Variants in PGC observed in about 807,000 individuals in gnomAD.
The protein encoded by PGC is gastricsin.
A neutral mutation model predicts 45.9 loss-of-function variants in PGC; 31 were observed. The ratio of observed to expected loss-of-function variants is 0.67; its 90% CI spans 0.51 to 0.91. The LOEUF (loss-of-function observed/expected upper bound fraction) is 0.91, where lower values mean the gene tolerates loss of function less well. Among genes scored for constraint, PGC ranks in the 40% least tolerant of loss-of-function variants. The pLI is 0.00. For synonymous variants in PGC, 192 were observed against 201.8 expected (o/e 0.95, Z 0.41); for missense variants, 477 against 493.2 (o/e 0.97, Z 0.31).
chr6:41,744,806 A>G lies in PGC; in HGVS notation c.62T>C (p.Val21Ala). The G allele has an allele frequency of 1.2e-6, 2 of 1,613,300 alleles. No individual in the cohort carries two copies. Among genetic ancestry groups the G allele is most frequent in the Non-Finnish European group, 1.7e-6 (2 of 1,179,692 alleles). ...LQLLEAAVVK[V>A]PLKKFKSIRE... Reference sequence around the variant, plus strand: ...GATAGACTTAAATTTCTTCAGGGGCACTCTACAGAAAGGTTGCATATGAGG... The same window carrying G: ...GATAGACTTAAATTTCTTCAGGGGCGCTCTACAGAAAGGTTGCATATGAGG... The change falls in exon 2 of 9, where the codon GTG becomes GCG. Residue 21 changes from valine (V) to alanine (A), a missense_variant and splice_region_variant. Val to Ala is a moderately conservative substitution (Grantham distance 64). Coordinates refer to ENST00000373025, the MANE Select transcript of PGC (RefSeq NM_002630.4). The surrounding 1 kb of genome is among the most constrained non-coding windows in gnomAD (Gnocchi z 4.4).
intron 1 of PGC, among the ~76,000 whole-genome samples, chr6:41,745,807 C>A: frequency 6.6e-6 from 1 of 151,772 alleles, no homozygotes. Flanking sequence ...CCTTGGCCTC[C>A]TAAAGTGCTA....
chr6:41,743,341 T>C lies in PGC; in HGVS notation c.377A>G (p.Asn126Ser). The C allele has an allele frequency of 6.2e-7, 1 of 1,613,782 alleles. No homozygotes were observed. The highest frequency in any genetic ancestry group is 1.1e-5 in the South Asian group (1 of 91,078). ...NPSESSTYST[N>S]GQTFSLQYGS... is the part of the protein sequence containing the mutation. ...ATACTGCAGGGAGAAGGTCTGCCCATTGGTGGAGTAGGTGGACGACTCGCT... is the reference window on the plus strand; with the variant it reads ...ATACTGCAGGGAGAAGGTCTGCCCACTGGTGGAGTAGGTGGACGACTCGCT... The change falls in exon 4 of 9, where the codon AAT (asparagine) becomes AGT (serine). Residue 126 changes from asparagine to serine, a missense_variant. Asn to Ser is a conservative substitution (Grantham distance 46, BLOSUM62 1). Coordinates refer to ENST00000373025, the MANE Select transcript of PGC (RefSeq NM_002630.4).
chr6:41,746,998 A>G (rs1771939785), intron 1 of PGC, among the ~76,000 whole-genome samples: 1 of 152,240 alleles, frequency 6.6e-6, no homozygotes, highest in Non-Finnish European at 1.5e-5. Context: ...CTGCTTGGGC[A>G]GTAGTCACCC....
At position 41,743,380 on chromosome 6, in the gene PGC, G is replaced by T; in HGVS notation, c.338C>A (p.Ser113Tyr). 3 of 1,611,356 alleles carry T rather than the reference G, an allele frequency of 1.9e-6. No homozygotes were observed. The highest frequency in any genetic ancestry group is 2.5e-6 in the Non-Finnish European group (3 of 1,177,462). ...YCQSQACTSHSRFNPSESSTY... is the reference protein window; with the variant it reads ...YCQSQACTSHYRFNPSESSTY... ...GGACGACTCGCTGGGGTTGAAGCGG[G>T]AGTGACTGGCTGCAGGGGAGTCAGG... is the stretch of plus-strand genomic sequence containing the variant. The change falls in exon 4 of 9, where the codon TCC becomes TAC. Residue 113 changes from serine (S) to tyrosine (Y), a missense_variant. Ser to Tyr is a moderately radical substitution (Grantham distance 144). Transcript: ENST00000373025.
At chr6:41,741,037 ACT>A in intron 5 of PGC, 1 of 1,535,776 alleles carries the variant, frequency 6.5e-7, no homozygotes, top group Non-Finnish European at 8.7e-7. Flanking sequence ...CCCAGCCCAC[ACT>A]CTGCTCTCCT....
Position 41,744,620 on chromosome 6 carries a change from C to T in PGC, c.210+38G>A. On this transcript the variant is annotated intron_variant, in intron 2 of 8. Coordinates refer to ENST00000373025, the MANE Select transcript of PGC (RefSeq NM_002630.4). The surrounding 1 kb of genome is among the most constrained non-coding windows in gnomAD (Gnocchi z 4.4). ...CCTGCCCCTTCCCTCCAGCCCACACCAGAGAGAAGGCTACCGCCAGAAAGG... is the reference window on the plus strand; with the variant it reads ...CCTGCCCCTTCCCTCCAGCCCACACTAGAGAGAAGGCTACCGCCAGAAAGG... 1 of 1,610,628 alleles carries T rather than the reference C, an allele frequency of 6.2e-7. No individual in the cohort carries two copies.
chr6:41,743,471 A>G, intron 3 of PGC, 82 bp from the exon 4 acceptor site: 2 of 859,418 alleles, frequency 2.3e-6, no homozygotes, highest in South Asian at 2.7e-5. Context: ...TTCCCACCTC[A>G]GCCTCTCGCT....
At position 41,747,350 on chromosome 6, in the gene PGC, C is replaced by T. The variant is rs186117095; in HGVS notation, c.-16G>A. On this transcript the variant is annotated 5_prime_UTR_variant, in exon 1 of 9. Coordinates refer to ENST00000373025, the MANE Select transcript of PGC (RefSeq NM_002630.4). ...TCCACTTCATGATGCTGGTCCCCAA[C>T]TGGCCACAGAGGAAGAGCAGCTCTG... 20 of 1,612,590 alleles carry T rather than the reference C, an allele frequency of 1.2e-5. No individual in the cohort carries two copies. Among genetic ancestry groups the T allele is most frequent in the Non-Finnish European group, 1.7e-5 (20 of 1,178,706 alleles).
rs1405076954 is a variant in PGC, at chr6:41,747,313, A to G, written c.22T>C (p.Leu8=). 2 of 1,614,048 alleles carry G rather than the reference A, an allele frequency of 1.2e-6. No homozygotes were observed. The highest frequency in any genetic ancestry group is 1.7e-6 in the Non-Finnish European group (2 of 1,179,938). ...GCCTCCAAGAGCTGGAGGCAGACCA[A>G]GACCACCACCATCCACTTCATGATG... The part of the protein sequence containing the change: MKWMVVV[L]VCLQLLEAAV... The change falls in exon 1 of 9, where the codon TTG becomes CTG. Residue 8 remains leucine (L), a synonymous_variant. Transcript: ENST00000373025.
At chr6:41,741,408 G>T (rs1771821439) in intron 5 of PGC, among the ~76,000 whole-genome samples, 1 of 152,220 alleles carries the variant, frequency 6.6e-6, no homozygotes, top group Non-Finnish European at 1.5e-5. Flanking sequence ...CACTTTGGAA[G>T]GCCGAGGCGG....
chr6:41,738,887 A>C (rs1217258058), intron 7 of PGC, among the ~76,000 whole-genome samples: 1 of 151,672 alleles, frequency 6.6e-6, no homozygotes, highest in African/African-American at 2.4e-5. Context: ...TGAACCCAGG[A>C]AAGTGGAGGT....
rs1188292683 is a variant in PGC, at chr6:41,743,253, C to T, written c.447+18G>A. 6 of 1,465,224 alleles carry T rather than the reference C, an allele frequency of 4.1e-6. No individual in the cohort carries two copies. In the Admixed American group the frequency reaches 6.7e-5, roughly 16 times the overall value. The allele number at this position is 1,465,224 out of a possible 1,614,324, so 90.8% of individuals were successfully genotyped here. A position where few individuals can be genotyped will look rare whatever the true frequency, so the allele number is the denominator to read the frequency against. ...TTATAGCTCACAGCCCCAGCCTCCACTCCCCATGCCCACTCACAGTCAGGG... is the reference window on the plus strand; with the variant it reads ...TTATAGCTCACAGCCCCAGCCTCCATTCCCCATGCCCACTCACAGTCAGGG... On this transcript the variant is annotated intron_variant, in intron 4 of 8. Coordinates refer to ENST00000373025, the MANE Select transcript of PGC (RefSeq NM_002630.4).
chr6:41,744,660 C>T lies in PGC; in HGVS notation c.208G>A (p.Asp70Asn). The part of the protein sequence containing the change: ...SVTYEPMAYM[D>N]AAYFGEISIG... ...CGCCAGAAAGGGTCAGGACTCACAT[C>T]CATGTAGGCCATGGGCTCGTAGGTC... Residue 70 changes from aspartate to asparagine, a missense_variant and splice_region_variant, in exon 2 of 9, where the codon GAT becomes AAT. Physicochemically the swap from Asp to Asn is conservative, Grantham distance 23. Transcript: ENST00000373025. The surrounding 1 kb of genome is among the most constrained non-coding windows in gnomAD (Gnocchi z 4.4). 1 of 1,614,076 alleles carries T rather than the reference C, an allele frequency of 6.2e-7. No homozygotes were observed. The highest frequency in any genetic ancestry group is 8.5e-7 in the Non-Finnish European group (1 of 1,179,956).
rs1351921456 is a variant in PGC, at chr6:41,740,599, G to A, written c.659C>T (p.Ser220Phe). ...CCCAAAGACAACCGCTCCCCCGCTGGAGCCCTGCTGGCTGCAGGAGAGAAA... is the reference window on the plus strand; with the variant it reads ...CCCAAAGACAACCGCTCCCCCGCTGAAGCCCTGCTGGCTGCAGGAGAGAAA... ...FSVYLSNQQG[S>F]SGGAVVFGGV... The change falls in exon 6 of 9, where the codon TCC (serine) becomes TTC (phenylalanine). Residue 220 changes from serine (S) to phenylalanine (F), a missense_variant. Transcript: ENST00000373025. 3 of 1,599,716 alleles carry A rather than the reference G, an allele frequency of 1.9e-6. No homozygotes were observed. The highest frequency in any genetic ancestry group is 2.6e-6 in the Non-Finnish European group (3 of 1,173,514).
At chr6:41,746,672 A>G (rs1476139062) in intron 1 of PGC, among the ~76,000 whole-genome samples, 1 of 152,152 alleles carries the variant, frequency 6.6e-6, no homozygotes, top group Non-Finnish European at 1.5e-5. Context: ...CCAAATATGC[A>G]TATTGATAGG....
chr6:41,740,013 C>A, intron 6 of PGC, 67 bp from the exon 7 acceptor site: 1 of 1,450,992 alleles, frequency 6.9e-7, no homozygotes, highest in East Asian at 2.4e-5. Flanking sequence ...CGGGCTTTCC[C>A]CACCACTGTG....
intron 1 of PGC, among the ~76,000 whole-genome samples, chr6:41,746,577 C>A (rs1207986267): frequency 6.6e-6 from 1 of 152,236 alleles, no homozygotes; most frequent in Non-Finnish European, 1.5e-5. Context: ...TGCTTAATCC[C>A]CATTCCCTGG....
At chr6:41,737,053 T>TG (rs773192667) in intron 8 of PGC, 49 bp from the exon 9 acceptor site, 1 of 1,554,486 alleles carries the variant, frequency 6.4e-7, no homozygotes, top group Non-Finnish European at 8.8e-7. Flanking sequence ...ACACATGAGC[T>TG]GGGCCCTGCT....
At chr6:41,737,700 G>A in intron 8 of PGC, 30 bp downstream of exon 8, 1 of 1,356,842 alleles carries the variant, frequency 7.4e-7, no homozygotes, top group Non-Finnish European at 1.1e-6. Flanking sequence ...CCCAATCATG[G>A]TGGCTCAGCC....
Sources: allele counts gnomAD v4.1 joint callset (sites outside exome capture counted in the v4.1 genomes callset), GRCh38; gene constraint gnomAD v4.1.1; non-coding constraint Gnocchi (gnomAD v3.1); transcripts MANE v1.5; gene names NCBI Gene and HGNC (gene_info 2026-07-23, HGNC 2026-07-21).